Variants in UBE2D2 observed in about 807,000 individuals in gnomAD.
UBE2D2 encodes ubiquitin conjugating enzyme E2 D2.
UBE2D2 carries 2 observed loss-of-function variants against 24.2 expected under a neutral mutation model. That is an observed-to-expected ratio of 0.08 (90% confidence interval 0.03 to 0.26). UBE2D2 has a LOEUF of 0.26. Among genes scored for constraint, UBE2D2 ranks in the 10% least tolerant of loss-of-function variants. The pLI, the probability that UBE2D2 is intolerant of heterozygous loss-of-function variation, is 1.00. For missense variants in UBE2D2, 44 were observed against 177.6 expected (o/e 0.25, Z 4.28); for synonymous variants, 58 against 56.5 (o/e 1.03, Z -0.12).
chr5:139,628,007 T>C lies in UBE2D2; in HGVS notation c.*1206T>C, dbSNP rs1421754704. On this transcript the variant is annotated 3_prime_UTR_variant, in exon 7 of 7. Coordinates refer to ENST00000398733, the MANE Select transcript of UBE2D2 (RefSeq NM_003339.3). ...AACCTTGTGACATTCCCTTGGTACA[T>C]AGGACATAAAACACAGAGGCATTGC... is the stretch of plus-strand genomic sequence containing the variant. 6.6e-6 allele frequency: 1 copy of C among 152,624 alleles called. No homozygotes were observed. Among genetic ancestry groups the C allele is most frequent in the Admixed American group, 6.5e-5 (1 of 15,286 alleles). The allele number at this position is 152,624 out of a possible 1,614,324, so 9.5% of individuals were successfully genotyped here.
At position 139,543,836 on chromosome 5, in the gene UBE2D2, G is replaced by A. The variant is rs539902418; in HGVS notation, c.-64+17224G>A. 5.3e-5 allele frequency among the ~76,000 whole-genome samples: 8 copies of A among 152,292 alleles called. No homozygotes were observed. The East Asian group carries it at 1.5e-3, about 29-fold the overall frequency. ...CTTAATGTAAATTAGAGGGAAATCA[G>A]CAATCACACTATCTGGAGTAGGCAC... On this transcript the variant is annotated intron_variant, in intron 1 of 6. Coordinates refer to the UBE2D2 transcript ENST00000511725.
intron 1 of UBE2D2, among the ~76,000 whole-genome samples, chr5:139,581,138 G>A (rs1204156272): frequency 1.3e-5 from 2 of 152,090 alleles, no homozygotes; most frequent in African/African-American, 4.8e-5. Flanking sequence ...TGGAGTGGTT[G>A]AAATTTAAAA....
intron 1 of UBE2D2, among the ~76,000 whole-genome samples, chr5:139,573,505 A>G (rs1184591235): frequency 1.3e-5 from 2 of 152,182 alleles, no homozygotes; most frequent in African/African-American, 2.4e-5. Flanking sequence ...AGCAAAAGAA[A>G]GAATACAGAC....
At chr5:139,562,396 GAA>G (rs750789439) in intron 1 of UBE2D2, 14 of 1,182,008 alleles carry the variant, frequency 1.2e-5, no homozygotes, top group East Asian at 5.7e-5. Flanking sequence ...AAGTTCAGAA[GAA>G]AAAAAAAAGG....
At chr5:139,540,528 A>G (rs1752742881) in intron 1 of UBE2D2, among the ~76,000 whole-genome samples, 1 of 141,942 alleles carries the variant, frequency 7.0e-6, no homozygotes, top group Admixed American at 7.0e-5. Context: ...CCTAGGCGAC[A>G]GAGCAAGACT....
rs76793764 is a variant in UBE2D2 at position 139,577,133 on chromosome 5, A to G, written c.24+15318A>G. On this transcript the variant is annotated intron_variant, in intron 1 of 6. Coordinates refer to ENST00000398733, the MANE Select transcript of UBE2D2 (RefSeq NM_003339.3). ...GGTGGTAACCGTGGTCAGACTCATC[A>G]TTTTGAACACTCTAGGTTAGTGTTG... Among the ~76,000 whole-genome samples the G allele has an allele frequency of 7.7e-3, 1,176 of 152,200 alleles. 8 individuals carry two copies. The highest frequency in any genetic ancestry group is 0.041 in the Middle Eastern group (12 of 294).
chr5:139,570,567 A>C (rs1437033529), intron 1 of UBE2D2, among the ~76,000 whole-genome samples: 5 of 152,014 alleles, frequency 3.3e-5, no homozygotes, highest in South Asian at 2.1e-4. Flanking sequence ...GCTGGAGTGC[A>C]GTTGTGTGAT....
intron 2 of UBE2D2, among the ~76,000 whole-genome samples, chr5:139,611,175 CTTTTTTTTTTT>C (rs60626896): frequency 0.012 from 707 of 58,896 alleles, 14 homozygotes; most frequent in Middle Eastern, 0.054. Flanking sequence ...AGTTTTCCTT[CTTTTTTTTTTT>C]TTTTTTTTTT....
intron 1 of UBE2D2, among the ~76,000 whole-genome samples, chr5:139,538,587 G>C (rs568419593): frequency 6.6e-6 from 1 of 151,954 alleles, no homozygotes; most frequent in Non-Finnish European, 1.5e-5. Flanking sequence ...ATATAAAACA[G>C]AGTCTGGTCA....
At chr5:139,549,428 C>G (rs1297287012) in intron 1 of UBE2D2, among the ~76,000 whole-genome samples, 1 of 152,216 alleles carries the variant, frequency 6.6e-6, no homozygotes, top group Non-Finnish European at 1.5e-5. Flanking sequence ...CTTGGCGGCC[C>G]CGCACTCCGA....
intron 5 of UBE2D2, among the ~76,000 whole-genome samples, chr5:139,618,132 G>A (rs1028547242): frequency 2.0e-5 from 3 of 151,994 alleles, no homozygotes; most frequent in East Asian, 1.9e-4. Flanking sequence ...GTACCACCAC[G>A]CCCAGATAAT....
chr5:139,622,133 G>A (rs914781809), intron 5 of UBE2D2, among the ~76,000 whole-genome samples: 1 of 152,064 alleles, frequency 6.6e-6, no homozygotes, highest in Non-Finnish European at 1.5e-5. Flanking sequence ...TTACATCATG[G>A]GATTGTTGTG....
intron 2 of UBE2D2, among the ~76,000 whole-genome samples, chr5:139,606,454 C>T (rs1171880568): frequency 1.4e-4 from 21 of 152,080 alleles, no homozygotes; most frequent in Admixed American, 1.3e-3. Flanking sequence ...TGAGCCACTG[C>T]GCCCGGCCTG....
In UBE2D2 at chr5:139,588,834, C is replaced by T. The variant is rs75975757; in HGVS notation, c.25-11538C>T. Among the ~76,000 whole-genome samples the T allele has an allele frequency of 7.7e-3, 1,178 of 152,242 alleles. 8 individuals are homozygous for T. The highest frequency in any genetic ancestry group is 0.041 in the Middle Eastern group (12 of 294). Reference sequence around the variant, plus strand: ...CACCCAGGGTGAAGTGCAGTGGCTACTCATTGCAGCCTCGACCTCCTGGGC... The same window carrying T: ...CACCCAGGGTGAAGTGCAGTGGCTATTCATTGCAGCCTCGACCTCCTGGGC... On this transcript the variant is annotated intron_variant, in intron 1 of 6. Transcript: ENST00000398733.
At chr5:139,569,670 A>G (rs1753309940) in intron 1 of UBE2D2, among the ~76,000 whole-genome samples, 1 of 152,170 alleles carries the variant, frequency 6.6e-6, no homozygotes, top group South Asian at 2.1e-4. Flanking sequence ...ATTTTGGGTA[A>G]TAGAATCATA....
chr5:139,561,509 C>T lies in UBE2D2; in HGVS notation c.-283C>T, dbSNP rs1304190448. On this transcript the variant is annotated 5_prime_UTR_variant, in exon 1 of 7. Transcript: ENST00000398733. ...ATCTGCGGCGGTTTAGGAGGCGGCG[C>T]TGATCCTGGGAGGAAGAGGCAGCTA... is the stretch of plus-strand genomic sequence containing the variant. 7 of 399,456 alleles carry T rather than the reference C, an allele frequency of 1.8e-5. No homozygotes were observed. The highest frequency in any genetic ancestry group is 8.3e-5 in the African/African-American group (4 of 48,032). The allele number at this position is 399,456 out of a possible 1,614,324, so 24.7% of individuals were successfully genotyped here.
At chr5:139,573,878 G>C (rs2126657868) in intron 1 of UBE2D2, among the ~76,000 whole-genome samples, 1 of 152,266 alleles carries the variant, frequency 6.6e-6, no homozygotes, top group South Asian at 2.1e-4. Flanking sequence ...GGCTGAGGCA[G>C]GAGAATGGCT....
intron 1 of UBE2D2, among the ~76,000 whole-genome samples, chr5:139,552,491 GTTTCT>G (rs1229319545): frequency 6.8e-6 from 1 of 146,466 alleles, no homozygotes; most frequent in Non-Finnish European, 1.5e-5. Flanking sequence ...TTCTTTTTTT[GTTTCT>G]TTTTTCTTTT....
chr5:139,543,073 T>C (rs1752779624), intron 1 of UBE2D2, among the ~76,000 whole-genome samples: 1 of 152,050 alleles, frequency 6.6e-6, no homozygotes, highest in Non-Finnish European at 1.5e-5. Context: ...ATTTTTGTAT[T>C]TTTAGTAGAG....
Sources: allele counts gnomAD v4.1 joint callset (sites outside exome capture counted in the v4.1 genomes callset), GRCh38; gene constraint gnomAD v4.1.1; transcripts MANE v1.5; gene names NCBI Gene and HGNC (gene_info 2026-07-23, HGNC 2026-07-21).